The following LRP1B variants were observed in gnomAD, a reference collection of about 807,000 sequenced individuals.
LRP1B encodes the protein low-density lipoprotein receptor-related protein 1B.
LRP1B carries 217 observed loss-of-function variants against 556.6 expected under a neutral mutation model. The observed-to-expected ratio is 0.39, with a 90% CI of 0.35 to 0.44. LRP1B has a LOEUF of 0.44. LRP1B is among the 20% of genes least tolerant of loss of function. The pLI is 1.00. For synonymous variants in LRP1B, 2,047 were observed against 1,865.8 expected, an observed-to-expected ratio of 1.10 and a Z score of -2.50; for missense variants, 5,053 against 5,620.8, an observed-to-expected ratio of 0.90 and a Z score of 3.23.
intron 35 of LRP1B, among the ~76,000 whole-genome samples, chr2:140,732,633 T>C (rs1687815877): frequency 6.6e-6 from 1 of 152,064 alleles, no homozygotes; most frequent in Non-Finnish European, 1.5e-5. Flanking sequence ...TTCACTTCAA[T>C]TAAACCATGT....
chr2:140,885,396 G>A (rs995976388), intron 24 of LRP1B, among the ~76,000 whole-genome samples: 1 of 151,196 alleles, frequency 6.6e-6, no homozygotes, highest in Non-Finnish European at 1.5e-5. Flanking sequence ...TGTTGCCCAG[G>A]CTGGAGTACA....
intron 2 of LRP1B, among the ~76,000 whole-genome samples, chr2:141,602,667 T>C (rs1225480078): frequency 6.6e-6 from 1 of 152,156 alleles, no homozygotes; most frequent in Non-Finnish European, 1.5e-5. Flanking sequence ...CCTGTTCAGT[T>C]CTCCTCTGCT....
intron 83 of LRP1B, among the ~76,000 whole-genome samples, chr2:140,303,094 A>G (rs1373310013): frequency 7.0e-6 from 1 of 142,422 alleles, no homozygotes; most frequent in African/African-American, 2.6e-5. Context: ...TTTTCTTTGT[A>G]TGATACAAAT....
intron 2 of LRP1B, among the ~76,000 whole-genome samples, chr2:141,713,642 G>T (rs1385096452): frequency 6.6e-6 from 1 of 152,092 alleles, no homozygotes; most frequent in African/African-American, 2.4e-5. Context: ...TTGCCAAATT[G>T]TTAGAATAAA....
rs934912553 is a variant in LRP1B at position 141,181,205 on chromosome 2, T to A, written c.1013+7216A>T. ...TACTGTTTTTCAACTGAATATCATG[T>A]TTCCACACAGGATCCCTGGAACTTC... On this transcript the variant is annotated intron_variant, in intron 7 of 90. Transcript: ENST00000389484. Among the ~76,000 whole-genome samples the A allele has an allele frequency of 5.3e-5, 8 of 152,036 alleles. No homozygotes were observed. In the South Asian group the frequency reaches 1.7e-3, roughly 32 times the overall value.
chr2:141,568,212 C>A (rs751833557), intron 2 of LRP1B, among the ~76,000 whole-genome samples: 1 of 150,978 alleles, frequency 6.6e-6, no homozygotes, highest in Non-Finnish European at 1.5e-5. Context: ...GGCTGGCTAA[C>A]AAAATCACAA....
At chr2:140,333,119 C>G (rs1346373657) in intron 79 of LRP1B, among the ~76,000 whole-genome samples, 1 of 151,906 alleles carries the variant, frequency 6.6e-6, no homozygotes, top group Non-Finnish European at 1.5e-5. Flanking sequence ...TGTTTTCATG[C>G]TAAGCTAATT....
At chr2:141,123,503 G>A (rs1701120010) in intron 7 of LRP1B, among the ~76,000 whole-genome samples, 1 of 151,958 alleles carries the variant, frequency 6.6e-6, no homozygotes, top group Non-Finnish European at 1.5e-5. Context: ...TCTATGTTTT[G>A]AAAACTGATA....
At chr2:141,000,684 C>G (rs1030270676) in intron 15 of LRP1B, among the ~76,000 whole-genome samples, 1 of 151,966 alleles carries the variant, frequency 6.6e-6, no homozygotes, top group Non-Finnish European at 1.5e-5. Flanking sequence ...TTCTTTTGAG[C>G]CACAGAATGT....
intron 42 of LRP1B, among the ~76,000 whole-genome samples, chr2:140,600,704 T>G (rs1453193932): frequency 1.3e-5 from 2 of 150,604 alleles, no homozygotes; most frequent in South Asian, 4.2e-4. Context: ...CCATATTGTA[T>G]ATGAGAGTGA....
intron 7 of LRP1B, among the ~76,000 whole-genome samples, chr2:141,182,394 G>A (rs1221005210): frequency 1.3e-5 from 2 of 151,912 alleles, no homozygotes; most frequent in Non-Finnish European, 1.5e-5. Flanking sequence ...AAAAGAAGTG[G>A]GCAAATAACC....
chr2:141,134,594 C>T (rs1297482649), intron 7 of LRP1B, among the ~76,000 whole-genome samples: 3 of 151,378 alleles, frequency 2.0e-5, no homozygotes, highest in African/African-American at 7.3e-5. Context: ...TTTACCAAGC[C>T]CAGCCTGAAT....
intron 78 of LRP1B, among the ~76,000 whole-genome samples, 173 bp downstream of exon 78, chr2:140,335,442 C>A (rs1409214412): frequency 1.3e-5 from 2 of 151,808 alleles, no homozygotes; most frequent in East Asian, 3.9e-4. Context: ...TTTGTATCAT[C>A]ATTTGGTATG....
chr2:140,668,726 C>T (rs1003781902), intron 41 of LRP1B, among the ~76,000 whole-genome samples: 1 of 149,578 alleles, frequency 6.7e-6, no homozygotes, highest in African/African-American at 2.5e-5. Flanking sequence ...AAATATTTAT[C>T]AAGCCACTAG....
chr2:140,674,392 T>C (rs1464550015), intron 41 of LRP1B, among the ~76,000 whole-genome samples: 1 of 152,168 alleles, frequency 6.6e-6, no homozygotes, highest in Non-Finnish European at 1.5e-5. Flanking sequence ...ATATTTGCTA[T>C]CTATTATCTC....
At position 141,759,610 on chromosome 2, in the gene LRP1B, A is replaced by G. The variant is rs146002166; in HGVS notation, c.205+50669T>C. ...AGCCTAACATGTTATACGCTAAATC[A>G]TTGAACAGATAACCAGTCTTAGACG... is the stretch of plus-strand genomic sequence containing the variant. On this transcript the variant is annotated intron_variant, in intron 2 of 90. Transcript: ENST00000389484. Among the ~76,000 whole-genome samples the G allele has an allele frequency of 3.4e-3, 517 of 152,350 alleles. 2 individuals carry two copies. Among genetic ancestry groups the G allele is most frequent in the African/African-American group, 0.012 (483 of 41,592 alleles).
chr2:141,768,513 G>A (rs183542288), intron 2 of LRP1B, among the ~76,000 whole-genome samples: 1 of 152,096 alleles, frequency 6.6e-6, no homozygotes, highest in East Asian at 1.9e-4. Context: ...TGATTTCCCA[G>A]TGGTTGGGAA....
intron 2 of LRP1B, among the ~76,000 whole-genome samples, chr2:141,689,489 ATATCCTTTAGAG>A (rs1691434110): frequency 1.3e-5 from 2 of 151,956 alleles, no homozygotes; most frequent in Admixed American, 1.3e-4. Flanking sequence ...TACATGATTT[ATATCCTTTAGAG>A]TGTAGCTATC....
intron 32 of LRP1B, among the ~76,000 whole-genome samples, chr2:140,798,704 G>A (rs542531341): frequency 1.3e-5 from 2 of 152,162 alleles, no homozygotes; most frequent in Non-Finnish European, 2.9e-5. Flanking sequence ...CCTGCTAGAT[G>A]ACAGTAGCAA....
Sources: gnomAD v4.1 joint callset for allele counts (sites outside exome capture counted in the v4.1 genomes callset) on GRCh38, gnomAD v4.1.1 for gene constraint, MANE v1.5 for transcripts, NCBI Gene and HGNC (gene_info 2026-07-23, HGNC 2026-07-21) for gene names.